The following ACOXL variants were observed in gnomAD, a reference collection of about 807,000 sequenced individuals.
ACOXL encodes acyl-CoA oxidase like, also known as acyl-coenzyme A oxidase-like protein.
A neutral mutation model predicts 71.9 loss-of-function variants in ACOXL; 70 were observed. The ratio of observed to expected loss-of-function variants is 0.97; its 90% CI spans 0.80 to 1.19. The LOEUF is 1.19. Ranked by LOEUF, ACOXL falls within the 50% of genes most tolerant of loss-of-function variation. The probability of loss-of-function intolerance (pLI) is 0.00; values close to 1 mark genes in which losing one functional copy is unlikely to be tolerated. For synonymous variants in ACOXL, 253 were observed against 281.6 expected, an observed-to-expected ratio of 0.90 and a Z score of 1.02; for missense variants, 703 against 736.3, an observed-to-expected ratio of 0.95 and a Z score of 0.52.
At chr2:110,891,315 C>T (rs1697907212) in intron 10 of ACOXL, among the ~76,000 whole-genome samples, 1 of 152,068 alleles carries the variant, frequency 6.6e-6, no homozygotes, top group East Asian at 1.9e-4. Flanking sequence ...TTTAAAAAGT[C>T]TATCTTGTAC....
chr2:110,744,097 A>ATACC (rs1677881502), intron 1 of ACOXL, among the ~76,000 whole-genome samples: 1 of 152,200 alleles, frequency 6.6e-6, no homozygotes, highest in South Asian at 2.1e-4. Context: ...ACTCTGGCTG[A>ATACC]TACCTGCTCA....
At chr2:110,906,298 G>A (rs1361751615) in intron 10 of ACOXL, among the ~76,000 whole-genome samples, 1 of 152,048 alleles carries the variant, frequency 6.6e-6, no homozygotes, top group Non-Finnish European at 1.5e-5. Flanking sequence ...AGCACGTTGG[G>A]AGGCCGAGGC....
intron 16 of ACOXL, among the ~76,000 whole-genome samples, chr2:111,088,795 CA>C (rs557402727): frequency 6.6e-6 from 1 of 150,762 alleles, no homozygotes; most frequent in African/African-American, 2.4e-5. Flanking sequence ...AAAACAAAAA[CA>C]AAAAAAAGTA....
At chr2:110,913,675 G>A (rs2059730730) in intron 11 of ACOXL, among the ~76,000 whole-genome samples, 1 of 152,182 alleles carries the variant, frequency 6.6e-6, no homozygotes, top group Non-Finnish European at 1.5e-5. Context: ...ATGAAGAAAA[G>A]AGGTTTAGTT....
chr2:110,968,569 GC>G (rs1325831560), intron 12 of ACOXL: 1 of 968,196 alleles, frequency 1.0e-6, no homozygotes, highest in Non-Finnish European at 1.6e-6. Flanking sequence ...AGCTCATGCT[GC>G]TTATACATCA....
chr2:110,782,131 AC>A (rs1186958132), intron 2 of ACOXL, among the ~76,000 whole-genome samples: 2 of 152,220 alleles, frequency 1.3e-5, no homozygotes, highest in Non-Finnish European at 2.9e-5. Context: ...ACATGCTACT[AC>A]GGAGATTGAA....
chr2:110,885,629 C>T (rs1028778563), intron 10 of ACOXL, among the ~76,000 whole-genome samples: 15 of 152,154 alleles, frequency 9.9e-5, no homozygotes, highest in African/African-American at 2.9e-4. Flanking sequence ...AGCCCATTAT[C>T]ACAACATTAG....
At chr2:110,941,733 AAT>A (rs1345989231) in intron 12 of ACOXL, among the ~76,000 whole-genome samples, 1 of 152,238 alleles carries the variant, frequency 6.6e-6, no homozygotes, top group Non-Finnish European at 1.5e-5. Flanking sequence ...ATGTTTCAAA[AAT>A]AAAGGTATAA....
chr2:110,811,068 G>C (rs1029919914), intron 9 of ACOXL, among the ~76,000 whole-genome samples: 4 of 152,202 alleles, frequency 2.6e-5, no homozygotes, highest in African/African-American at 9.7e-5. Flanking sequence ...TCCCTTCCAT[G>C]ACATGTGGAG....
intron 10 of ACOXL, among the ~76,000 whole-genome samples, chr2:110,860,631 C>T (rs13009034): frequency 1.3e-5 from 2 of 152,304 alleles, no homozygotes; most frequent in South Asian, 2.1e-4. Flanking sequence ...TAATTCACCA[C>T]GATGAATCTT....
intron 1 of ACOXL, among the ~76,000 whole-genome samples, chr2:110,750,683 GTA>G (rs150301771): frequency 2.1e-3 from 315 of 147,530 alleles, no homozygotes; most frequent in East Asian, 0.015. Context: ...GTGTGTGTGT[GTA>G]TATATATATA....
intron 9 of ACOXL, among the ~76,000 whole-genome samples, chr2:110,818,421 A>G (rs539179638): frequency 0.018 from 2,506 of 142,318 alleles, 94 homozygotes; most frequent in African/African-American, 0.065. Flanking sequence ...ATATATATAT[A>G]TATGTGTGTG....
chr2:110,813,950 G>A (rs1466455682), intron 9 of ACOXL, among the ~76,000 whole-genome samples: 2 of 152,084 alleles, frequency 1.3e-5, no homozygotes, highest in Non-Finnish European at 2.9e-5. Flanking sequence ...GAGCTTTCTG[G>A]GCCTTACACT....
intron 14 of ACOXL, among the ~76,000 whole-genome samples, chr2:111,001,052 C>T (rs966472808): frequency 7.2e-5 from 11 of 152,066 alleles, no homozygotes; most frequent in Non-Finnish European, 1.3e-4. Context: ...CTTTAAGAAC[C>T]GAAAAAGATT....
At chr2:110,919,365 A>G (rs1231907556) in intron 11 of ACOXL, among the ~76,000 whole-genome samples, 4 of 134,352 alleles carry the variant, frequency 3.0e-5, no homozygotes, top group South Asian at 2.7e-4. Context: ...ATGAGAACAC[A>G]TGGACACAGG....
chr2:110,865,109 G>A (rs1303701648), intron 10 of ACOXL, among the ~76,000 whole-genome samples: 1 of 152,238 alleles, frequency 6.6e-6, no homozygotes, highest in Non-Finnish European at 1.5e-5. Context: ...GGGCCTTCAG[G>A]AGAATTTCTA....
At chr2:110,982,471 T>A (rs1179629922) in intron 12 of ACOXL, among the ~76,000 whole-genome samples, 1 of 152,058 alleles carries the variant, frequency 6.6e-6, no homozygotes, top group African/African-American at 2.4e-5. Context: ...GCCTATTTCT[T>A]CTAGCCAGGG....
chr2:110,788,770 A>G (rs1021986186), intron 3 of ACOXL, among the ~76,000 whole-genome samples: 13 of 152,228 alleles, frequency 8.5e-5, no homozygotes, highest in African/African-American at 2.9e-4. Flanking sequence ...AGAGGAAACT[A>G]TAGACTGTGC....
At chr2:110,941,648 A>G (rs116529890) in intron 12 of ACOXL, among the ~76,000 whole-genome samples, 3,285 of 152,346 alleles carry the variant, frequency 0.022, 71 homozygotes, top group African/African-American at 0.052. Context: ...AGGCAAGTAA[A>G]GAGACAGTAG....
Sources: allele counts gnomAD v4.1 joint callset (sites outside exome capture counted in the v4.1 genomes callset), GRCh38; gene constraint gnomAD v4.1.1; transcripts MANE v1.5; gene names NCBI Gene and HGNC (gene_info 2026-07-23, HGNC 2026-07-21).